HEMK2: variants seen among roughly 807,000 people sequenced by gnomAD.
HEMK2 encodes the protein methyltransferase HEMK2.
At chr21:28,822,145 C>G in the HEMK2 span, among the ~76,000 whole-genome samples, 11,717 of 152,290 alleles carry the variant, frequency 0.077, 488 homozygotes, top group Middle Eastern at 0.11. Flanking sequence ...AGTTTAGCCA[C>G]ACTCTGAAAA....
the HEMK2 span, among the ~76,000 whole-genome samples, chr21:28,620,655 C>CTTTTTTTT: frequency 1.5e-5 from 1 of 65,538 alleles, no homozygotes; most frequent in East Asian, 4.8e-4. Flanking sequence ...ATTCTTCTCT[C>CTTTTTTTT]TTTTCTTTTT....
chr21:28,867,876 A>C, the HEMK2 span, among the ~76,000 whole-genome samples: 1 of 152,210 alleles, frequency 6.6e-6, no homozygotes, highest in East Asian at 1.9e-4. Flanking sequence ...TTCCCATTCC[A>C]TTGTCATAAA....
chr21:28,688,920 C>T, the HEMK2 span, among the ~76,000 whole-genome samples: 44 of 152,038 alleles, frequency 2.9e-4, no homozygotes, highest in Non-Finnish European at 6.3e-4. Flanking sequence ...TCCAGCCATG[C>T]CCATTAATTG....
chr21:28,663,415 C>G, the HEMK2 span, among the ~76,000 whole-genome samples: 1 of 152,164 alleles, frequency 6.6e-6, no homozygotes, highest in Non-Finnish European at 1.5e-5. Context: ...AATGTTGGCT[C>G]AGGAAAGTTT....
At chr21:28,758,638 A>T in the HEMK2 span, among the ~76,000 whole-genome samples, 21,131 of 152,220 alleles carry the variant, frequency 0.14, 1,631 homozygotes, top group African/African-American at 0.19. Flanking sequence ...TAGTAAGGCA[A>T]CAAGAATAAA....
the HEMK2 span, among the ~76,000 whole-genome samples, chr21:28,830,972 T>A: frequency 6.6e-6 from 1 of 151,718 alleles, no homozygotes; most frequent in African/African-American, 2.4e-5. Context: ...CTGTAGAAAA[T>A]TTTTTAAAAT....
the HEMK2 span, among the ~76,000 whole-genome samples, chr21:28,713,191 C>G: frequency 6.6e-6 from 1 of 152,158 alleles, no homozygotes; most frequent in Admixed American, 6.5e-5. Context: ...CACAAAGTCC[C>G]ATCCATTTTA....
chr21:28,654,375 T>C, the HEMK2 span, among the ~76,000 whole-genome samples: 15 of 152,156 alleles, frequency 9.9e-5, no homozygotes, highest in Non-Finnish European at 1.8e-4. Flanking sequence ...CTCCAGCATT[T>C]TCTTTCTTTC....
chr21:28,802,774 C>T, the HEMK2 span, among the ~76,000 whole-genome samples: 1 of 152,060 alleles, frequency 6.6e-6, no homozygotes, highest in Non-Finnish European at 1.5e-5. Flanking sequence ...AATATATTTT[C>T]TTGTCAAGCT....
the HEMK2 span, among the ~76,000 whole-genome samples, chr21:28,644,182 T>C: frequency 4.6e-5 from 7 of 152,152 alleles, no homozygotes; most frequent in Non-Finnish European, 8.8e-5. Context: ...CTTACAATCA[T>C]GGTGGAAGGC....
chr21:28,846,557 TTGAG>T, the HEMK2 span, among the ~76,000 whole-genome samples: 1 of 152,144 alleles, frequency 6.6e-6, no homozygotes. Flanking sequence ...ATTAGTAATA[TTGAG>T]TATTTTTTCA....
the HEMK2 span, among the ~76,000 whole-genome samples, chr21:28,761,257 A>C: frequency 6.6e-6 from 1 of 152,144 alleles, no homozygotes; most frequent in Non-Finnish European, 1.5e-5. Context: ...CTTTTTAACA[A>C]TTCAGCGAAA....
the HEMK2 span, among the ~76,000 whole-genome samples, chr21:28,724,637 C>T: frequency 6.6e-6 from 1 of 152,214 alleles, no homozygotes; most frequent in Non-Finnish European, 1.5e-5. Flanking sequence ...CAGCAAATTT[C>T]ATAAGAAGAA....
the HEMK2 span, among the ~76,000 whole-genome samples, chr21:28,877,879 A>G: frequency 6.6e-6 from 1 of 152,226 alleles, no homozygotes; most frequent in Non-Finnish European, 1.5e-5. Context: ...CATGAAGACT[A>G]GAGGGTAGAG....
chr21:28,818,181 C>T, the HEMK2 span, among the ~76,000 whole-genome samples: 7 of 152,130 alleles, frequency 4.6e-5, no homozygotes, highest in African/African-American at 9.7e-5. Flanking sequence ...GGCAGAAGAA[C>T]GTGAAAGGAC....
At chr21:28,866,175 A>AAAAACACAC in the HEMK2 span, among the ~76,000 whole-genome samples, 4 of 76,234 alleles carry the variant, frequency 5.2e-5, no homozygotes, top group East Asian at 2.9e-4. Flanking sequence ...CAAAAAAAAA[A>AAAAACACAC]ACACACACAC....
At chr21:28,844,254 T>C in the HEMK2 span, among the ~76,000 whole-genome samples, 1 of 152,076 alleles carries the variant, frequency 6.6e-6, no homozygotes, top group Non-Finnish European at 1.5e-5. Flanking sequence ...TGGCTGATGG[T>C]CATTCTTTCA....
chr21:28,628,359 A>C, the HEMK2 span, among the ~76,000 whole-genome samples: 1 of 152,218 alleles, frequency 6.6e-6, no homozygotes, highest in Non-Finnish European at 1.5e-5. Context: ...CTATGAGTTA[A>C]GAATTGCTTG....
chr21:28,830,353 C>A, the HEMK2 span, among the ~76,000 whole-genome samples: 4 of 152,022 alleles, frequency 2.6e-5, no homozygotes, highest in Non-Finnish European at 2.9e-5. Flanking sequence ...CACTTCCCCC[C>A]CTTCACTCTC....
Sources: allele counts gnomAD v4.1 joint callset (sites outside exome capture counted in the v4.1 genomes callset), GRCh38; gene constraint gnomAD v4.1.1; transcripts MANE v1.5; gene names NCBI Gene and HGNC (gene_info 2026-07-23, HGNC 2026-07-21).